The following PKP1 variants were observed in gnomAD, a reference collection of about 807,000 sequenced individuals.
PKP1 encodes the protein plakophilin-1.
A neutral mutation model predicts 76.4 loss-of-function variants in PKP1; 27 were observed. That is an observed-to-expected ratio of 0.35 (90% CI 0.26 to 0.49). The LOEUF (loss-of-function observed/expected upper bound fraction) is 0.49. Ranked by LOEUF, PKP1 falls within the 20% of genes least tolerant of loss-of-function variation. The pLI, the probability that PKP1 is intolerant of heterozygous loss-of-function variation, is 0.99. For missense variants in PKP1, 964 were observed against 955.2 expected (o/e 1.01, Z -0.12); for synonymous variants, 404 against 384.2 (o/e 1.05, Z -0.60).
chr1:201,315,178 A>G (rs974277088), intron 3 of PKP1, among the ~76,000 whole-genome samples: 27 of 152,250 alleles, frequency 1.8e-4, no homozygotes, highest in African/African-American at 5.8e-4. Context: ...TGTCCCAACC[A>G]GAGGCCCTGA....
chr1:201,300,691 G>C (rs1426069590), intron 2 of PKP1, among the ~76,000 whole-genome samples: 1 of 152,236 alleles, frequency 6.6e-6, no homozygotes, highest in East Asian at 1.9e-4. Flanking sequence ...TCTGGCTTCT[G>C]TGTCCCTCTT....
In PKP1 at chr1:201,313,146, T is replaced by G; in HGVS notation, c.307-20T>G. On this transcript the variant is annotated intron_variant, in intron 2 of 13. Transcript: ENST00000367324. Reference sequence around the variant, plus strand: ...CCATTTAGGAACCTTGACTGAGCTTTTCTCCCTTTCCCTGGCCAGATCTAC... The same window carrying G: ...CCATTTAGGAACCTTGACTGAGCTTGTCTCCCTTTCCCTGGCCAGATCTAC... 1 of 1,608,724 alleles carries G rather than the reference T, an allele frequency of 6.2e-7. No individual in the cohort carries two copies. The highest frequency in any genetic ancestry group is 8.5e-7 in the Non-Finnish European group (1 of 1,177,964).
intron 1 of PKP1, among the ~76,000 whole-genome samples, chr1:201,284,458 C>A (rs1401507201): frequency 6.6e-6 from 1 of 152,200 alleles, no homozygotes; most frequent in African/African-American, 2.4e-5. Flanking sequence ...GCATGAGTAT[C>A]CGCGAGCGGG....
rs1473864316 is a variant in PKP1, at chr1:201,331,226, A to G, written c.*1185A>G. 1 of 152,208 alleles carries G rather than the reference A, an allele frequency of 6.6e-6. No homozygotes were observed. Among genetic ancestry groups the G allele is most frequent in the Non-Finnish European group, 1.5e-5 (1 of 68,092 alleles). The allele number at this position is 152,208 out of a possible 1,614,324, so 9.4% of individuals were successfully genotyped here. ...GGGTAGACTAGGAAAGGAAAGTGCC[A>G]TATCAGGGTACCGGTACCGGCAAGC... On this transcript the variant is annotated 3_prime_UTR_variant, in exon 14 of 14. Coordinates refer to ENST00000367324, the MANE Select transcript of PKP1 (RefSeq NM_001005337.3).
In PKP1 at chr1:201,316,702, C is replaced by T. The variant is rs370458237; in HGVS notation, c.846+5C>T. ...GATGAATCTGCCAAGCAACAGGTAG[C>T]TGGTTGCATACCTTCCTCCTTGGTG... On this transcript the variant is annotated splice_donor_5th_base_variant and intron_variant, in intron 4 of 13. Transcript: ENST00000367324. 1.2e-6 allele frequency: 2 copies of T among 1,613,584 alleles called. No individual in the cohort carries two copies. Among genetic ancestry groups the T allele is most frequent in the East Asian group, 4.5e-5 (2 of 44,882 alleles).
chr1:201,299,568 G>C (rs1369065057), intron 2 of PKP1, among the ~76,000 whole-genome samples: 2 of 152,228 alleles, frequency 1.3e-5, no homozygotes, highest in African/African-American at 4.8e-5. Context: ...GCTAAAGTCT[G>C]TGTGCTGGTC....
chr1:201,299,250 C>A (rs1457574043), intron 2 of PKP1, among the ~76,000 whole-genome samples: 1 of 152,244 alleles, frequency 6.6e-6, no homozygotes, highest in Non-Finnish European at 1.5e-5. Flanking sequence ...TGCTCCTTAA[C>A]TAGCTGTGTG....
intron 1 of PKP1, among the ~76,000 whole-genome samples, chr1:201,285,987 C>T (rs1193574927): frequency 6.6e-6 from 1 of 152,254 alleles, no homozygotes; most frequent in Non-Finnish European, 1.5e-5. Flanking sequence ...GCTGCAGAGG[C>T]ATCCTTGCTG....
intron 2 of PKP1, among the ~76,000 whole-genome samples, chr1:201,306,973 A>AT (rs569343254): frequency 4.1e-4 from 63 of 152,294 alleles, no homozygotes; most frequent in African/African-American, 1.5e-3. Flanking sequence ...CCTGGACTAC[A>AT]TTTTTTTAAC....
At chr1:201,288,825 T>C (rs184642717) in intron 1 of PKP1, among the ~76,000 whole-genome samples, 1 of 152,156 alleles carries the variant, frequency 6.6e-6, no homozygotes, top group East Asian at 1.9e-4. Context: ...TGAACAGATC[T>C]GCTGAAAGAG....
intron 1 of PKP1, among the ~76,000 whole-genome samples, chr1:201,292,612 T>G (rs1216667209): frequency 2.0e-5 from 3 of 151,962 alleles, no homozygotes; most frequent in African/African-American, 7.3e-5. Flanking sequence ...CCAGCCCTGC[T>G]CCCCCAGGCA....
intron 2 of PKP1, among the ~76,000 whole-genome samples, chr1:201,303,703 T>C (rs534580423): frequency 9.8e-5 from 15 of 152,344 alleles, no homozygotes; most frequent in Non-Finnish European, 1.8e-4. Context: ...TTTCTCCCTG[T>C]GGTAATCAAA....
At position 201,323,159 on chromosome 1, in the gene PKP1, C is replaced by A; in HGVS notation, c.1650C>A (p.Ala550=). 6.2e-7 allele frequency: 1 copy of A among 1,614,014 alleles called. No individual in the cohort carries two copies. Among genetic ancestry groups the A allele is most frequent in the Non-Finnish European group, 8.5e-7 (1 of 1,180,022 alleles). Residue 550 remains alanine, a synonymous_variant, in exon 9 of 14, where the codon GCC becomes GCA. Coordinates refer to ENST00000367324, the MANE Select transcript of PKP1 (RefSeq NM_001005337.3). ...KDATLEACAG[A]LQNLTASKGL... ...CTACCCTGGAGGCCTGTGCTGGTGC[C>A]CTGCAGAACCTGACAGCCAGCAAGG... is the stretch of plus-strand genomic sequence containing the variant.
Position 201,328,766 on chromosome 1 carries a change from G to C in PKP1, c.2111G>C (p.Gly704Ala), listed in dbSNP as rs754442587. 1.2e-5 allele frequency: 20 copies of C among 1,613,986 alleles called. No individual in the cohort carries two copies. Among genetic ancestry groups the C allele is most frequent in the Non-Finnish European group, 1.7e-5 (20 of 1,179,976 alleles). ...TTGCTGTTTCTCCCTTTGCAGCAAG[G>C]TTTCGATAGGAACATGCTGGGAACC... ...KELQGVLRQQ[G>A]FDRNMLGTLA... Residue 704 changes from glycine to alanine, a missense_variant, in exon 13 of 14, where the codon GGT becomes GCT. By Grantham distance (60) the Gly-to-Ala change is moderately conservative. Transcript: ENST00000367324.
intron 5 of PKP1, 92 bp downstream of exon 5, chr1:201,317,871 G>A (rs575154529): frequency 8.1e-7 from 1 of 1,228,558 alleles, no homozygotes; most frequent in South Asian, 1.3e-5. Flanking sequence ...GTCTCTCCAG[G>A]CTGGGCCAAG....
rs935041621 is a variant in PKP1, at chr1:201,303,610, G to T, written c.307-9556G>T. Among the ~76,000 whole-genome samples, 10 of 151,856 alleles carry T rather than the reference G, an allele frequency of 6.6e-5. No individual in the cohort carries two copies. In the East Asian group the frequency reaches 1.2e-3, roughly 18 times the overall value. On this transcript the variant is annotated intron_variant, in intron 2 of 13. Transcript: ENST00000367324. ...CCTGGCAGAAAAGTTTTATTTTTTT[G>T]TTTGTTTGTTTGTTTTATTTTGTTT... is the stretch of plus-strand genomic sequence containing the variant.
At chr1:201,316,446 A>G (rs1208869811) in intron 3 of PKP1, 107 bp from the exon 4 acceptor site, 1 of 1,208,136 alleles carries the variant, frequency 8.3e-7, no homozygotes, top group Non-Finnish European at 1.2e-6. Context: ...GGCTCTCCAG[A>G]GGGCAGATGA....
chr1:201,302,024 G>A (rs910336533), intron 2 of PKP1, among the ~76,000 whole-genome samples: 1 of 152,206 alleles, frequency 6.6e-6, no homozygotes, highest in Non-Finnish European at 1.5e-5. Flanking sequence ...GCCGCAGGTG[G>A]TGGCTTTCGA....
chr1:201,307,789 G>T (rs539232416), intron 2 of PKP1, among the ~76,000 whole-genome samples: 4 of 152,312 alleles, frequency 2.6e-5, no homozygotes, highest in East Asian at 3.9e-4. Flanking sequence ...TCTAATCAAG[G>T]TTCTTTCTCC....
Sources: allele counts gnomAD v4.1 joint callset (sites outside exome capture counted in the v4.1 genomes callset), GRCh38; gene constraint gnomAD v4.1.1; transcripts MANE v1.5; gene names NCBI Gene and HGNC (gene_info 2026-07-23, HGNC 2026-07-21).